The following ZNF544 variants were observed in gnomAD, a reference collection of about 807,000 sequenced individuals.
The protein encoded by ZNF544 is zinc finger protein AF020591.
ZNF544 carries 10 observed loss-of-function variants against 13.5 expected under a neutral mutation model. That is an observed-to-expected ratio of 0.74 (90% CI 0.46 to 1.25). The LOEUF is 1.25. Among genes scored for constraint, ZNF544 ranks in the 50% most tolerant of loss-of-function variants. The pLI is 0.00. For synonymous variants in ZNF544, 323 were observed against 300.5 expected (o/e 1.07, Z -0.77); for missense variants, 896 against 845.6 (o/e 1.06, Z -0.74).
intron 5 of ZNF544, among the ~76,000 whole-genome samples, chr19:58,275,783 C>CAAAAAAAAAAAAAAAAAAAAA (rs57148438): frequency 4.8e-4 from 32 of 66,220 alleles, no homozygotes; most frequent in African/African-American, 1.7e-3. Context: ...GACCCTGTCT[C>CAAAAAAAAAAAAAAAAAAAAA]AAAAAAAAAA....
In ZNF544 at chr19:58,243,761, C is replaced by T. The variant is rs575475958; in HGVS notation, c.-59-204C>T. Among the ~76,000 whole-genome samples the T allele has an allele frequency of 1.7e-3, 266 of 152,246 alleles. 1 individual carries two copies. Among genetic ancestry groups the T allele is most frequent in the Admixed American group, 2.7e-3 (41 of 15,288 alleles). On this transcript the variant is annotated intron_variant, in intron 3 of 6. Coordinates refer to ENST00000687789, the MANE Select transcript of ZNF544 (RefSeq NM_014480.4). ...CCCTTGACTGTTGAGGGGGCTGCTGCGTGTCTGGACTCACAGCTGAGACGC... is the reference window on the plus strand; with the variant it reads ...CCCTTGACTGTTGAGGGGGCTGCTGTGTGTCTGGACTCACAGCTGAGACGC...
chr19:58,247,937 C>G (rs1382078211), intron 6 of ZNF544, among the ~76,000 whole-genome samples: 1 of 150,974 alleles, frequency 6.6e-6, no homozygotes, highest in Non-Finnish European at 1.5e-5. Flanking sequence ...TTTTCCCAGA[C>G]AGAGTCTCAC....
rs746811441 is a variant in ZNF544, at chr19:58,262,585, T to C, written c.1979T>C (p.Phe660Ser). The change falls in exon 7 of 7, where the codon TTT becomes TCT. Residue 660 changes from phenylalanine to serine, a missense_variant. Phe to Ser is a radical substitution (Grantham distance 155). Coordinates refer to ENST00000687789, the MANE Select transcript of ZNF544 (RefSeq NM_014480.4). ...AGAACTCACACTGGTGAGAAACCTTTTGAGTGTAGTCAGTGTGGGAAAGCC... is the reference window on the plus strand; with the variant it reads ...AGAACTCACACTGGTGAGAAACCTTCTGAGTGTAGTCAGTGTGGGAAAGCC... ...HQRTHTGEKP[F>S]ECSQCGKAFS... The C allele has an allele frequency of 4.3e-6, 7 of 1,614,154 alleles. No individual in the cohort carries two copies. In the Admixed American group the frequency reaches 1.0e-4, roughly 23 times the overall value.
chr19:58,235,009 T>C (rs981161168), intron 3 of ZNF544, among the ~76,000 whole-genome samples: 1 of 152,242 alleles, frequency 6.6e-6, no homozygotes, highest in Admixed American at 6.5e-5. Context: ...GTTTTTTGTT[T>C]GTTTGTTTTA....
At chr19:58,253,733 C>G (rs1231871291) in intron 6 of ZNF544, among the ~76,000 whole-genome samples, 1 of 152,216 alleles carries the variant, frequency 6.6e-6, no homozygotes, top group Non-Finnish European at 1.5e-5. Flanking sequence ...AGCCACCATG[C>G]CCGGCCAAAC....
At chr19:58,270,191 G>C (rs1000043873) in intron 5 of ZNF544, among the ~76,000 whole-genome samples, 15 of 152,148 alleles carry the variant, frequency 9.9e-5, no homozygotes, top group African/African-American at 3.6e-4. Context: ...CTTGCTGGAG[G>C]GGGCAAAAAG....
intron 2 of ZNF544, 112 bp from the exon 3 acceptor site, chr19:58,230,282 T>C (rs1012843687): frequency 6.6e-6 from 1 of 152,270 alleles, no homozygotes; most frequent in African/African-American, 2.4e-5. Flanking sequence ...ATAATCACTA[T>C]GAATACATGT....
In ZNF544 at chr19:58,262,821, G is replaced by T; in HGVS notation, c.*67G>T. 6.5e-7 allele frequency: 1 copy of T among 1,529,856 alleles called. No homozygotes were observed. The highest frequency in any genetic ancestry group is 2.3e-5 in the East Asian group (1 of 44,116). 94.8% of individuals were successfully genotyped at this position (1,529,856 alleles called of 1,614,324 possible). A position where few individuals can be genotyped will look rare whatever the true frequency, so the allele number is the denominator to read the frequency against. On this transcript the variant is annotated 3_prime_UTR_variant, in exon 7 of 7. Transcript: ENST00000687789. ...CCTCATCATGCACCAGAGGACGCAT[G>T]TCGGTGGGAAGAGCTATCAGTGTGA...
At chr19:58,258,613 T>A in intron 6 of ZNF544, 1 of 150,396 alleles carries the variant, frequency 6.6e-6, no homozygotes, top group East Asian at 2.0e-4. Flanking sequence ...CGTGTGAGAG[T>A]GCTGGGTGTG....
At position 58,239,093 on chromosome 19, in the gene ZNF544, G is replaced by A. The variant is rs112800419; in HGVS notation, c.-59-4872G>A. On this transcript the variant is annotated intron_variant, in intron 3 of 6. Coordinates refer to ENST00000687789, the MANE Select transcript of ZNF544 (RefSeq NM_014480.4). ...GAAAATAAACAGGGCTGGGTGCTCT[G>A]TGGCTGCAGGTTTTCTTCACATCTG... Among the ~76,000 whole-genome samples the A allele has an allele frequency of 4.1e-3, 627 of 152,270 alleles. 6 individuals carry two copies. The highest frequency in any genetic ancestry group is 0.014 in the African/African-American group (571 of 41,548).
intron 6 of ZNF544, chr19:58,251,260 A>C (rs1448263665): frequency 3.9e-6 from 2 of 516,942 alleles, no homozygotes; most frequent in Non-Finnish European, 3.9e-6. Context: ...AAAGACACCA[A>C]GGAAAGTTGG....
chr19:58,249,742 T>A (rs1172813976), intron 6 of ZNF544, among the ~76,000 whole-genome samples: 2 of 152,158 alleles, frequency 1.3e-5, no homozygotes, highest in African/African-American at 2.4e-5. Flanking sequence ...GGAGATCTCA[T>A]CCCCTTCTGT....
At chr19:58,240,676 C>T (rs893724927) in intron 3 of ZNF544, among the ~76,000 whole-genome samples, 2 of 151,728 alleles carry the variant, frequency 1.3e-5, no homozygotes, top group Non-Finnish European at 2.9e-5. Flanking sequence ...GCAGGAGAAT[C>T]GCTTGAACCT....
chr19:58,276,289 C>T, intron 5 of ZNF544: 1 of 1,155,142 alleles, frequency 8.7e-7, no homozygotes, highest in Non-Finnish European at 1.1e-6. Flanking sequence ...CAGGGGAAGG[C>T]AATAGATCCT....
At chr19:58,241,413 T>C (rs978167965) in intron 3 of ZNF544, among the ~76,000 whole-genome samples, 3 of 151,478 alleles carry the variant, frequency 2.0e-5, no homozygotes, top group South Asian at 2.1e-4. Flanking sequence ...ACTTATGTTA[T>C]ACTTTAAACC....
At chr19:58,237,010 G>C (rs980175556) in intron 3 of ZNF544, among the ~76,000 whole-genome samples, 4 of 151,410 alleles carry the variant, frequency 2.6e-5, no homozygotes, top group African/African-American at 9.7e-5. Context: ...CTAAGTGCTG[G>C]GATTACGGAA....
At chr19:58,246,664 C>A in intron 5 of ZNF544, 47 bp from the exon 6 acceptor site, 1 of 1,598,984 alleles carries the variant, frequency 6.3e-7, no homozygotes, top group South Asian at 1.1e-5. Context: ...GGACATGGTT[C>A]TTGGTGTCCA....
Position 58,261,690 on chromosome 19 carries a change from T to C in ZNF544, c.1084T>C (p.Ser362Pro), listed in dbSNP as rs775062812. 3.1e-6 allele frequency: 5 copies of C among 1,614,052 alleles called. No homozygotes were observed. In the Admixed American group the frequency reaches 5.0e-5, roughly 16 times the overall value. Reference sequence around the variant, plus strand: ...ATCTGTGTGTAATCAGTGTGGAAAATCTTTCAGCTGTTGTAAGCTCATACA... The same window carrying C: ...ATCTGTGTGTAATCAGTGTGGAAAACCTTTCAGCTGTTGTAAGCTCATACA... Reference protein sequence around the residue: ...KPSVCNQCGKSFSCCKLIHQR... With the variant: ...KPSVCNQCGKPFSCCKLIHQR... The change falls in exon 7 of 7, where the codon TCT becomes CCT. Residue 362 changes from serine to proline, a missense_variant. Ser to Pro is a moderately conservative substitution (Grantham distance 74). Transcript: ENST00000687789.
downstream of ZNF544, among the ~76,000 whole-genome samples, chr19:58,268,296 C>T (rs1394772016): frequency 9.2e-5 from 14 of 151,832 alleles, no homozygotes; most frequent in South Asian, 2.1e-4. Flanking sequence ...AGTGAAACTC[C>T]GTCTCAGAAA....
Sources: allele counts gnomAD v4.1 joint callset (sites outside exome capture counted in the v4.1 genomes callset), GRCh38; gene constraint gnomAD v4.1.1; transcripts MANE v1.5; gene names NCBI Gene and HGNC (gene_info 2026-07-23, HGNC 2026-07-21).